PITPNM2: variants seen among roughly 807,000 people sequenced by gnomAD.
PITPNM2 encodes membrane-associated phosphatidylinositol transfer protein 2.
A neutral mutation model predicts 132.2 loss-of-function variants in PITPNM2; 35 were observed. That is an observed-to-expected ratio of 0.26 (90% CI 0.20 to 0.35). The LOEUF (loss-of-function observed/expected upper bound fraction) is 0.35, where lower values mean the gene tolerates loss of function less well. Ranked by LOEUF, PITPNM2 falls within the 10% of genes least tolerant of loss-of-function variation. The pLI is 1.00. For missense variants in PITPNM2, 1,332 were observed against 1,912.0 expected, an observed-to-expected ratio of 0.70 and a Z score of 5.66; for synonymous variants, 738 against 799.2, an observed-to-expected ratio of 0.92 and a Z score of 1.29.
intron 3 of PITPNM2, among the ~76,000 whole-genome samples, chr12:123,029,657 G>T (rs2136407369): frequency 6.6e-6 from 1 of 152,248 alleles, no homozygotes; most frequent in Middle Eastern, 3.4e-3. Context: ...GTGTGTGTGT[G>T]TGTCTGTGGA....
At chr12:123,073,968 T>C (rs949223514) in intron 2 of PITPNM2, among the ~76,000 whole-genome samples, 2 of 152,190 alleles carry the variant, frequency 1.3e-5, no homozygotes, top group Non-Finnish European at 2.9e-5. Flanking sequence ...CCTCCTCCCA[T>C]ACTGAGCACC....
intron 2 of PITPNM2, chr12:123,087,158 G>C (rs1179160409): frequency 1.3e-5 from 2 of 152,234 alleles, no homozygotes; most frequent in Admixed American, 6.5e-5. Context: ...ACACTTATGG[G>C]AGACTCTGTG....
chr12:123,035,976 A>G (rs1445489214), intron 2 of PITPNM2, among the ~76,000 whole-genome samples: 2 of 152,162 alleles, frequency 1.3e-5, no homozygotes, highest in Non-Finnish European at 2.9e-5. Context: ...CTTCTGCCTC[A>G]GCCTCCAGAG....
Position 123,078,323 on chromosome 12 carries a change from G to A in PITPNM2, c.-96+32062C>T, listed in dbSNP as rs1261783801. On this transcript the variant is annotated intron_variant, in intron 2 of 25. Coordinates refer to ENST00000320201, the MANE Select transcript of PITPNM2 (RefSeq NM_020845.3). The surrounding 1 kb of genome is among the most constrained non-coding windows in gnomAD (Gnocchi z 7.3). Reference sequence around the variant, plus strand: ...GGGTCCAGGTGGCCAGGCGGGGAGGGGTACCGGCCAGACCGGTGGGCAAAA... The same window carrying A: ...GGGTCCAGGTGGCCAGGCGGGGAGGAGTACCGGCCAGACCGGTGGGCAAAA... Among the ~76,000 whole-genome samples, 1 of 152,160 alleles carries A rather than the reference G, an allele frequency of 6.6e-6. No homozygotes were observed. The highest frequency in any genetic ancestry group is 1.5e-5 in the Non-Finnish European group (1 of 68,012).
intron 8 of PITPNM2, 102 bp from the exon 9 acceptor site, chr12:123,001,260 C>T (rs1028014069): frequency 1.2e-6 from 1 of 848,336 alleles, no homozygotes; most frequent in Non-Finnish European, 2.0e-6. Context: ...TCTGACCGTT[C>T]CTCAACAGGA....
At position 122,987,417 on chromosome 12, in the gene PITPNM2, A is replaced by G; in HGVS notation, c.3277T>C (p.Phe1093Leu). The G allele has an allele frequency of 6.2e-7, 1 of 1,613,862 alleles. No homozygotes were observed. The highest frequency in any genetic ancestry group is 8.5e-7 in the Non-Finnish European group (1 of 1,180,008). ...IKMVVRGDHT[F>L]ADSYITVLPK... ...AGCACGGTGATGTAGCTGTCGGCAA[A>G]CGTGTGGTCTCCCCTGGCAGGTGGT... is the stretch of plus-strand genomic sequence containing the variant. Residue 1093 changes from phenylalanine (F) to leucine (L), a missense_variant, in exon 23 of 26, where the codon TTT becomes CTT. Phe to Leu is a conservative substitution (Grantham distance 22). Around this residue, in one of 6 missense-constraint regions of PITPNM2, gnomAD observed 251 missense variants for 472.0 expected, o/e 0.53. Transcript: ENST00000320201.
In PITPNM2 at chr12:123,005,759, C is replaced by T. The variant is rs868343675; in HGVS notation, c.644-211G>A. 2.3e-4 allele frequency: 136 copies of T among 579,312 alleles called. 1 individual carries two copies. The African/African-American group carries it at 2.4e-3, about 10-fold the overall frequency. The allele number at this position is 579,312 out of a possible 1,614,324, so 35.9% of individuals were successfully genotyped here. On this transcript the variant is annotated intron_variant, in intron 6 of 25. Coordinates refer to ENST00000320201, the MANE Select transcript of PITPNM2 (RefSeq NM_020845.3). The surrounding 1 kb of genome is among the most constrained non-coding windows in gnomAD (Gnocchi z 6.2). ...ATAGTCTCACAAGCTCATAGTGGTTCTATAATTAGAGTGGAGGGGCCTCCC... is the reference window on the plus strand; with the variant it reads ...ATAGTCTCACAAGCTCATAGTGGTTTTATAATTAGAGTGGAGGGGCCTCCC...
intron 5 of PITPNM2, 106 bp downstream of exon 5, chr12:123,012,507 C>A: frequency 7.0e-7 from 1 of 1,427,490 alleles, no homozygotes; most frequent in African/African-American, 1.4e-5. Context: ...CAGGACAGGG[C>A]CAGGTCTGGA....
chr12:123,134,899 T>C (rs992398042), intron 1 of PITPNM2, among the ~76,000 whole-genome samples: 2 of 152,146 alleles, frequency 1.3e-5, no homozygotes, highest in Non-Finnish European at 2.9e-5. Context: ...TGTTGTGGGA[T>C]GAAGTGAGGC....
intron 1 of PITPNM2, among the ~76,000 whole-genome samples, chr12:123,143,682 C>T (rs1162442357): frequency 1.3e-5 from 2 of 152,192 alleles, no homozygotes; most frequent in African/African-American, 4.8e-5. Flanking sequence ...TATTGCAGGG[C>T]TGCCGCCAGA....
At chr12:122,986,853 G>A (rs1467367238) in intron 23 of PITPNM2, 24 bp from the exon 24 acceptor site, 2 of 1,585,798 alleles carry the variant, frequency 1.3e-6, no homozygotes, top group South Asian at 2.3e-5. Flanking sequence ...GTCGTCTCAT[G>A]GTCACCCCTT....
Position 123,000,852 on chromosome 12 carries a change from CAA to C in PITPNM2, c.1154-6_1154-5del. 6.2e-7 allele frequency: 1 copy of C among 1,614,036 alleles called. No individual in the cohort carries two copies. On this transcript the variant is annotated splice_polypyrimidine_tract_variant and splice_region_variant and intron_variant, in intron 9 of 25. Coordinates refer to ENST00000320201, the MANE Select transcript of PITPNM2 (RefSeq NM_020845.3). The surrounding 1 kb of genome is among the most constrained non-coding windows in gnomAD (Gnocchi z 5.4). ...GCACCCTGGCGGTACAGACCATCTG[CAA>C]AGACACAGAAGCCGTGCTGTGAGCT...
At chr12:123,052,756 G>A (rs2040903855) in intron 2 of PITPNM2, among the ~76,000 whole-genome samples, 1 of 148,820 alleles carries the variant, frequency 6.7e-6, no homozygotes, top group Non-Finnish European at 1.5e-5. Flanking sequence ...ATATTCAGTT[G>A]AATGAAATTT....
chr12:123,020,470 G>C (rs2039621684), intron 3 of PITPNM2, among the ~76,000 whole-genome samples: 1 of 152,154 alleles, frequency 6.6e-6, no homozygotes, highest in Non-Finnish European at 1.5e-5. Flanking sequence ...GTTTAAGCAG[G>C]AGAGGAGCAC....
rs2037927789 is a variant in PITPNM2, at chr12:122,986,267, G to A, written c.3810C>T (p.Arg1270=). The change falls in exon 26 of 26, where the codon CGC becomes CGT. Residue 1270 remains arginine (R), a synonymous_variant. Transcript: ENST00000320201. ...CGAAGCTGCCCTTGCGCAGCGCCAT[G>A]CGGGTGGCCGTGTTGCGAGCGGGCC... is the stretch of plus-strand genomic sequence containing the variant. The part of the protein sequence containing the change: ...RARPARNTAT[R]MALRKGSFGL... The A allele has an allele frequency of 6.3e-7, 1 of 1,582,810 alleles. No homozygotes were observed. Among genetic ancestry groups the A allele is most frequent in the Non-Finnish European group, 8.6e-7 (1 of 1,169,196 alleles).
chr12:123,000,238 G>A lies in PITPNM2; in HGVS notation c.1224+540C>T, dbSNP rs183325678. 39 of 602,686 alleles carry A rather than the reference G, an allele frequency of 6.5e-5. No individual in the cohort carries two copies. Among genetic ancestry groups the A allele is most frequent in the Admixed American group, 2.6e-4 (9 of 34,610 alleles). 37.3% of individuals were successfully genotyped at this position (602,686 alleles called of 1,614,324 possible). ...CTGTCCCAGTGCAAACAGCTCTGAC[G>A]GCCCGCAGGTGGAGGAGGATGGGGC... On this transcript the variant is annotated intron_variant, in intron 10 of 25. Transcript: ENST00000320201. This position sits in a 1 kb window ranked among gnomAD's most constrained non-coding sequence, Gnocchi z 5.4.
intron 1 of PITPNM2, among the ~76,000 whole-genome samples, chr12:123,121,792 G>A (rs529978168): frequency 2.6e-5 from 4 of 151,726 alleles, no homozygotes; most frequent in East Asian, 3.9e-4. Flanking sequence ...CAATCCTCCC[G>A]CCTCTGCCTC....
At chr12:122,996,649 C>A (rs2038441361) in intron 12 of PITPNM2, 72 bp from the exon 13 acceptor site, 1 of 1,611,438 alleles carries the variant, frequency 6.2e-7, no homozygotes, top group Non-Finnish European at 8.5e-7. Flanking sequence ...AGGCCGTCAC[C>A]TTCCCCCTGA....
At chr12:123,006,521 G>A (rs933227090) in intron 6 of PITPNM2, among the ~76,000 whole-genome samples, 2 of 150,848 alleles carry the variant, frequency 1.3e-5, no homozygotes, top group African/African-American at 4.9e-5. Flanking sequence ...GGCAACACAG[G>A]GAGATCCCCC....
Sources: allele counts gnomAD v4.1 joint callset (sites outside exome capture counted in the v4.1 genomes callset), GRCh38; gene constraint gnomAD v4.1.1; regional missense constraint gnomAD v4.1.1; non-coding constraint Gnocchi (gnomAD v3.1); transcripts MANE v1.5; gene names NCBI Gene and HGNC (gene_info 2026-07-23, HGNC 2026-07-21).